Variants in CDK14 observed in about 807,000 individuals in gnomAD.
CDK14 encodes the protein cyclin dependent kinase 14.
A neutral mutation model predicts 60.7 loss-of-function variants in CDK14; 34 were observed. That is an observed-to-expected ratio of 0.56 (90% CI 0.43 to 0.75). The LOEUF is 0.75. CDK14 is among the 30% of genes least tolerant of loss of function. The probability of loss-of-function intolerance (pLI) is 0.00; values close to 1 mark genes in which losing one functional copy is unlikely to be tolerated. For synonymous variants in CDK14, 197 were observed against 203.7 expected (o/e 0.97, Z 0.28); for missense variants, 482 against 564.1 (o/e 0.85, Z 1.47).
chr7:91,064,913 T>C (rs1797930258), intron 11 of CDK14, among the ~76,000 whole-genome samples: 1 of 152,058 alleles, frequency 6.6e-6, no homozygotes. Flanking sequence ...CTTAGTTCTC[T>C]AGAGAAAAAT....
intron 2 of CDK14, among the ~76,000 whole-genome samples, chr7:90,618,899 G>A (rs934320659): frequency 6.6e-6 from 1 of 152,272 alleles, no homozygotes; most frequent in East Asian, 1.9e-4. Context: ...GTGCCTTATT[G>A]TGTCTTTTTC....
chr7:90,741,989 A>G (rs1378652826), intron 3 of CDK14, among the ~76,000 whole-genome samples: 3 of 152,098 alleles, frequency 2.0e-5, no homozygotes, highest in African/African-American at 7.2e-5. Context: ...AATTCATGAA[A>G]TAAATCTCAT....
In CDK14 at chr7:90,790,606, C is replaced by T. The variant is rs1216256587; in HGVS notation, c.498C>T (p.Ile166=). 3 of 1,612,496 alleles carry T rather than the reference C, an allele frequency of 1.9e-6. No homozygotes were observed. The Admixed American group carries it at 5.0e-5, about 27-fold the overall frequency. ...GGAAGTTGGTAGCTCTGAAGGTGATCAGGCTGCAGGAAGAAGAAGGGACAC... is the reference window on the plus strand; with the variant it reads ...GGAAGTTGGTAGCTCTGAAGGTGATTAGGCTGCAGGAAGAAGAAGGGACAC... ...VNGKLVALKV[I]RLQEEEGTPF... Residue 166 remains isoleucine (I), a synonymous_variant, in exon 5 of 15, where the codon ATC becomes ATT. Transcript: ENST00000380050.
At position 91,132,312 on chromosome 7, in the gene CDK14, A is replaced by G. The variant is rs186863007; in HGVS notation, c.*28+14104A>G. ...AAGGATGTTTTCAAAAAGAGGAAAC[A>G]AACACCAAGAGCAAAGCTGTGTCAC... On this transcript the variant is annotated intron_variant, in intron 14 of 14. Coordinates refer to ENST00000380050, the MANE Select transcript of CDK14 (RefSeq NM_001287135.2). 6.3e-4 allele frequency among the ~76,000 whole-genome samples: 96 copies of G among 152,306 alleles called. No homozygotes were observed. The East Asian group carries it at 0.018, about 29-fold the overall frequency.
At chr7:91,155,048 G>A (rs990007931) in intron 14 of CDK14, among the ~76,000 whole-genome samples, 6 of 152,180 alleles carry the variant, frequency 3.9e-5, no homozygotes, top group South Asian at 2.1e-4. Context: ...GAACGAGGAA[G>A]GGCATGTTGA....
intron 4 of CDK14, among the ~76,000 whole-genome samples, chr7:90,768,206 GT>G (rs1240374809): frequency 7.2e-5 from 11 of 152,182 alleles, no homozygotes; most frequent in Non-Finnish European, 1.3e-4. Flanking sequence ...AATAAACGTG[GT>G]TTTGTAGAGG....
intron 5 of CDK14, among the ~76,000 whole-genome samples, chr7:90,848,064 G>T (rs1466735692): frequency 2.6e-5 from 4 of 151,986 alleles, no homozygotes; most frequent in Non-Finnish European, 5.9e-5. Context: ...TGTTTTGTGT[G>T]TATGTTGGGG....
chr7:90,879,819 A>T (rs1342173504), intron 6 of CDK14, among the ~76,000 whole-genome samples: 1 of 151,934 alleles, frequency 6.6e-6, no homozygotes, highest in African/African-American at 2.4e-5. Flanking sequence ...TTACCCACCG[A>T]GAGAAGGAAG....
rs1803667790 is a variant in CDK14, at chr7:90,748,079, T to C, written c.464+304T>C. Among the ~76,000 whole-genome samples, 3 of 152,152 alleles carry C rather than the reference T, an allele frequency of 2.0e-5. No individual in the cohort carries two copies. In the South Asian group the frequency reaches 6.2e-4, roughly 32 times the overall value. On this transcript the variant is annotated intron_variant, in intron 4 of 14. Transcript: ENST00000380050. ...AGAATTCATTTCCAGGTGAATTATG[T>C]GATTAATTTCTCATAGAGATTTAGT... is the stretch of plus-strand genomic sequence containing the variant.
chr7:91,169,859 A>T (rs1324694292), intron 14 of CDK14, among the ~76,000 whole-genome samples: 2 of 152,250 alleles, frequency 1.3e-5, no homozygotes, highest in African/African-American at 2.4e-5. Flanking sequence ...AGTTGGTTAA[A>T]AAAACAAAAA....
intron 14 of CDK14, among the ~76,000 whole-genome samples, chr7:91,183,909 T>A (rs1214085934): frequency 6.6e-6 from 1 of 152,166 alleles, no homozygotes; most frequent in Non-Finnish European, 1.5e-5. Flanking sequence ...AAGAAATGGT[T>A]CTTGGCCCAG....
chr7:91,037,659 A>G (rs1345996827), intron 10 of CDK14, among the ~76,000 whole-genome samples: 1 of 152,194 alleles, frequency 6.6e-6, no homozygotes, highest in Non-Finnish European at 1.5e-5. Flanking sequence ...CTAGCTGTGC[A>G]ACCTTGAACA....
intron 8 of CDK14, among the ~76,000 whole-genome samples, chr7:90,924,887 C>T (rs1211196059): frequency 6.6e-6 from 1 of 151,664 alleles, no homozygotes; most frequent in Non-Finnish European, 1.5e-5. Flanking sequence ...TCCTTTTCAC[C>T]TTGAATAATT....
At chr7:90,959,115 A>G (rs1173384931) in intron 9 of CDK14, among the ~76,000 whole-genome samples, 1 of 152,102 alleles carries the variant, frequency 6.6e-6, no homozygotes, top group Non-Finnish European at 1.5e-5. Flanking sequence ...TTTGCTTTGA[A>G]CAGAGACATA....
intron 5 of CDK14, among the ~76,000 whole-genome samples, chr7:90,856,137 A>G (rs915026093): frequency 6.6e-6 from 1 of 152,122 alleles, no homozygotes; most frequent in African/African-American, 2.4e-5. Flanking sequence ...AACCTGTTGT[A>G]TTACCTTTCC....
intron 10 of CDK14, among the ~76,000 whole-genome samples, chr7:91,009,645 G>T (rs74316597): frequency 0.15 from 22,235 of 152,166 alleles, 1,836 homozygotes; most frequent in Middle Eastern, 0.27. Context: ...CTTCTTTGGT[G>T]AAGTGTTTGT....
intron 5 of CDK14, among the ~76,000 whole-genome samples, chr7:90,832,745 G>A (rs538560634): frequency 2.0e-5 from 3 of 152,234 alleles, no homozygotes; most frequent in South Asian, 2.1e-4. Flanking sequence ...TGTGTGGGCC[G>A]GAGGTCAGGT....
chr7:90,823,540 G>A (rs1311212019), intron 5 of CDK14, among the ~76,000 whole-genome samples: 1 of 152,146 alleles, frequency 6.6e-6, no homozygotes, highest in South Asian at 2.1e-4. Flanking sequence ...CTTTGACTTG[G>A]GTGGTGTAAA....
At chr7:90,998,272 C>A (rs1795741661) in intron 10 of CDK14, among the ~76,000 whole-genome samples, 1 of 152,158 alleles carries the variant, frequency 6.6e-6, no homozygotes, top group African/African-American at 2.4e-5. Flanking sequence ...TATGAGAAAT[C>A]TCAGTACCTT....
Sources: gnomAD v4.1 joint callset for allele counts (sites outside exome capture counted in the v4.1 genomes callset) on GRCh38, gnomAD v4.1.1 for gene constraint, MANE v1.5 for transcripts, NCBI Gene and HGNC (gene_info 2026-07-23, HGNC 2026-07-21) for gene names.